The following UQCC1 variants were observed in gnomAD, a reference collection of about 807,000 sequenced individuals.
UQCC1 encodes the protein ubiquinol-cytochrome c reductase complex assembly factor 1.
A neutral mutation model predicts 48.0 loss-of-function variants in UQCC1; 38 were observed. That is an observed-to-expected ratio of 0.79 (90% CI 0.61 to 1.04). The LOEUF is 1.04. UQCC1 is among the 50% of genes least tolerant of loss of function. The pLI is 0.00. For missense variants in UQCC1, 368 were observed against 381.8 expected (o/e 0.96, Z 0.30); for synonymous variants, 111 against 129.2 (o/e 0.86, Z 0.95).
intron 1 of UQCC1, among the ~76,000 whole-genome samples, chr20:35,398,199 T>G (rs965330224): frequency 1.3e-5 from 2 of 152,204 alleles, no homozygotes; most frequent in East Asian, 1.9e-4. Context: ...CTATATGACC[T>G]GGTCTGGAAC....
intron 7 of UQCC1, among the ~76,000 whole-genome samples, chr20:35,337,191 C>CTT (rs762321477): frequency 0.026 from 3,666 of 143,264 alleles, 149 homozygotes; most frequent in African/African-American, 0.087. Flanking sequence ...AGCTAGCATT[C>CTT]TTTTTTTTTT....
intron 2 of UQCC1, chr20:35,386,420 T>C (rs558701475): frequency 3.6e-5 from 16 of 439,254 alleles, no homozygotes; most frequent in African/African-American, 2.4e-4. Flanking sequence ...TTTCTAATTG[T>C]GGAATGTTAC....
intron 7 of UQCC1, 83 bp from the exon 8 acceptor site, chr20:35,314,848 TCA>T (rs2061039827): frequency 6.5e-6 from 7 of 1,077,676 alleles, no homozygotes; most frequent in Non-Finnish European, 9.4e-6. Flanking sequence ...CTCTTAGCTG[TCA>T]CAGACTCTTA....
At chr20:35,364,402 C>T (rs2061642184) in intron 6 of UQCC1, among the ~76,000 whole-genome samples, 1 of 152,194 alleles carries the variant, frequency 6.6e-6, no homozygotes, top group Non-Finnish European at 1.5e-5. Flanking sequence ...ATTAGACTTA[C>T]ATTTCTTGAA....
chr20:35,360,922 G>C (rs2061598988), intron 6 of UQCC1, among the ~76,000 whole-genome samples: 1 of 152,140 alleles, frequency 6.6e-6, no homozygotes. Flanking sequence ...AAAGTGTTTA[G>C]AAGGGGCAGG....
rs759721998 is a variant in UQCC1 at position 35,347,176 on chromosome 20, G to A, written c.561C>T (p.Gly187=). 3.5e-5 allele frequency: 57 copies of A among 1,614,032 alleles called. No homozygotes were observed. Among genetic ancestry groups the A allele is most frequent in the Non-Finnish European group, 4.4e-5 (52 of 1,180,042 alleles). ...HFMWEDVQQR[G]RVMGVNPYIL... ...AGCACTCACTTACCCCCATGACTCT[G>A]CCGCGCTGCTGAACATCCTCCCACA... Residue 187 remains glycine (G), a synonymous_variant, in exon 7 of 10, where the codon GGC becomes GGT. Transcript: ENST00000374385.
At chr20:35,393,125 T>C (rs1197866236) in intron 2 of UQCC1, among the ~76,000 whole-genome samples, 1 of 152,102 alleles carries the variant, frequency 6.6e-6, no homozygotes, top group Non-Finnish European at 1.5e-5. Context: ...TACTTATACA[T>C]ACATTGCTGG....
At chr20:35,313,237 G>A (rs2061013580) in intron 8 of UQCC1, among the ~76,000 whole-genome samples, 1 of 151,806 alleles carries the variant, frequency 6.6e-6, no homozygotes, top group Non-Finnish European at 1.5e-5. Flanking sequence ...TTAGCCGGGT[G>A]TGGTGGCAGG....
Position 35,303,833 on chromosome 20 carries a change from G to A in UQCC1, c.*102C>T. 2.0e-6 allele frequency: 3 copies of A among 1,502,298 alleles called. No individual in the cohort carries two copies. The highest frequency in any genetic ancestry group is 2.3e-5 in the East Asian group (1 of 44,188). 93.1% of individuals were successfully genotyped at this position (1,502,298 alleles called of 1,614,324 possible). On this transcript the variant is annotated 3_prime_UTR_variant, in exon 10 of 10. Transcript: ENST00000374385. ...AGGTATTTGACAGATGCTGTTCAGA[G>A]GTCAGTTCAGGCCACTTTCTGCAGG...
intron 2 of UQCC1, among the ~76,000 whole-genome samples, chr20:35,389,333 G>A (rs970932094): frequency 6.6e-6 from 1 of 152,066 alleles, no homozygotes; most frequent in East Asian, 1.9e-4. Context: ...GGGAGACCGA[G>A]GCGCATAGAT....
At chr20:35,343,020 T>G (rs1470165260) in intron 7 of UQCC1, among the ~76,000 whole-genome samples, 1 of 152,200 alleles carries the variant, frequency 6.6e-6, no homozygotes, top group Non-Finnish European at 1.5e-5. Flanking sequence ...GATGCAAATT[T>G]ATTATTCATC....
chr20:35,311,871 G>C (rs984991724), intron 8 of UQCC1, among the ~76,000 whole-genome samples: 1 of 152,046 alleles, frequency 6.6e-6, no homozygotes, highest in Non-Finnish European at 1.5e-5. Flanking sequence ...AGTCACCTTC[G>C]GGTGACTTGT....
At position 35,403,249 on chromosome 20, in the gene UQCC1, A is replaced by C. The variant is rs550699604; in HGVS notation, c.24+8691T>G. Among the ~76,000 whole-genome samples, 28 of 152,300 alleles carry C rather than the reference A, an allele frequency of 1.8e-4. 1 individual carries two copies. Among genetic ancestry groups the C allele is most frequent in the African/African-American group, 6.5e-4 (27 of 41,566 alleles). On this transcript the variant is annotated intron_variant, in intron 1 of 9. Coordinates refer to ENST00000374385, the MANE Select transcript of UQCC1 (RefSeq NM_018244.5). Reference sequence around the variant, plus strand: ...GTTAACAAATATGGCAAGGCAAAAGAGTAGAACAAACCCTGTGGTATTAGA... The same window carrying C: ...GTTAACAAATATGGCAAGGCAAAAGCGTAGAACAAACCCTGTGGTATTAGA...
chr20:35,410,180 T>C (rs2062327445), intron 1 of UQCC1: 1 of 152,042 alleles, frequency 6.6e-6, no homozygotes, highest in African/African-American at 2.4e-5. Context: ...TCCAAAGGGA[T>C]GTTATAAGGA....
intron 1 of UQCC1, among the ~76,000 whole-genome samples, chr20:35,404,028 G>A (rs905611902): frequency 3.9e-5 from 6 of 152,062 alleles, no homozygotes; most frequent in African/African-American, 1.4e-4. Context: ...ACAAGGTCAG[G>A]AGATCGAGAC....
At position 35,352,112 on chromosome 20, in the gene UQCC1, A is replaced by C. The variant is rs1342705796; in HGVS notation, c.465-4840T>G. On this transcript the variant is annotated intron_variant, in intron 6 of 9. Coordinates refer to ENST00000374385, the MANE Select transcript of UQCC1 (RefSeq NM_018244.5). ...CTTTTGGCTGAGTAGAATCAGAGAAAGCTTCATGGAAAATGAAACACTGTA... is the reference window on the plus strand; with the variant it reads ...CTTTTGGCTGAGTAGAATCAGAGAACGCTTCATGGAAAATGAAACACTGTA... 2.0e-5 allele frequency among the ~76,000 whole-genome samples: 3 copies of C among 152,270 alleles called. No individual in the cohort carries two copies. In the East Asian group the frequency reaches 5.8e-4, roughly 29 times the overall value.
chr20:35,332,057 T>C (rs1022832832), intron 7 of UQCC1, among the ~76,000 whole-genome samples: 12 of 152,294 alleles, frequency 7.9e-5, no homozygotes, highest in African/African-American at 2.6e-4. Context: ...TTAGAACCTA[T>C]GTCTGTCTGG....
At chr20:35,373,998 C>A (rs1339613690) in intron 5 of UQCC1, among the ~76,000 whole-genome samples, 186 bp downstream of exon 5, 1 of 152,018 alleles carries the variant, frequency 6.6e-6, no homozygotes, top group Non-Finnish European at 1.5e-5. Context: ...CACAGCAAGA[C>A]CCTTGTCTCT....
At chr20:35,384,410 G>GT in intron 2 of UQCC1, 2 of 347,420 alleles carry the variant, frequency 5.8e-6, no homozygotes, top group Non-Finnish European at 1.1e-5. Flanking sequence ...GGAGGTCAAG[G>GT]TGAGAGGATT....
Sources: allele counts gnomAD v4.1 joint callset (sites outside exome capture counted in the v4.1 genomes callset), GRCh38; gene constraint gnomAD v4.1.1; transcripts MANE v1.5; gene names NCBI Gene and HGNC (gene_info 2026-07-23, HGNC 2026-07-21).